FGF12: variants seen among roughly 807,000 people sequenced by gnomAD.
The protein encoded by FGF12 is fibroblast growth factor 12B.
FGF12 carries 14 observed loss-of-function variants against 23.6 expected under a neutral mutation model. The observed-to-expected ratio is 0.59, with a 90% CI of 0.39 to 0.93. The LOEUF (loss-of-function observed/expected upper bound fraction) is 0.93. FGF12 is among the 40% of genes least tolerant of loss of function. The pLI is 0.00. For missense variants in FGF12, 175 were observed against 217.8 expected, an observed-to-expected ratio of 0.80 and a Z score of 1.24; for synonymous variants, 62 against 77.3, an observed-to-expected ratio of 0.80 and a Z score of 1.04.
intron 5 of FGF12, among the ~76,000 whole-genome samples, chr3:192,166,860 C>A (rs1218002528): frequency 6.6e-6 from 1 of 151,450 alleles, no homozygotes; most frequent in Non-Finnish European, 1.5e-5. Context: ...AAGTAATTAT[C>A]ATCATATTCT....
intron 4 of FGF12, among the ~76,000 whole-genome samples, chr3:192,181,217 C>T (rs1716151870): frequency 6.6e-6 from 1 of 152,096 alleles, no homozygotes; most frequent in African/African-American, 2.4e-5. Context: ...AAGCAGGGGC[C>T]TCACTAAGCA....
chr3:192,310,140 G>T (rs141943679), intron 4 of FGF12, among the ~76,000 whole-genome samples: 1 of 152,072 alleles, frequency 6.6e-6, no homozygotes, highest in African/African-American at 2.4e-5. Context: ...AGTATTTGTC[G>T]CAATGCCAAG....
At position 192,572,377 on chromosome 3, in the gene FGF12, C is replaced by G. The variant is rs189140373; in HGVS notation, c.13+154804G>C. 3.9e-3 allele frequency among the ~76,000 whole-genome samples: 596 copies of G among 152,280 alleles called. 6 individuals are homozygous for G. Among genetic ancestry groups the G allele is most frequent in the African/African-American group, 0.014 (571 of 41,550 alleles). ...AAATTCACATGATCATGCACAGCGT[C>G]AAGCTCCATTTACCTTTTGTCCTTT... On this transcript the variant is annotated intron_variant, in intron 2 of 5. Transcript: ENST00000445105.
In FGF12 at chr3:192,619,374, T is replaced by C. The variant is rs370568144; in HGVS notation, c.13+107807A>G. Among the ~76,000 whole-genome samples, 18 of 152,226 alleles carry C rather than the reference T, an allele frequency of 1.2e-4. 1 individual carries two copies. Among genetic ancestry groups the C allele is most frequent in the Admixed American group, 6.5e-4 (10 of 15,286 alleles). ...GGAAGTGAAAAGTGTGGGCAGGAAC[T>C]GGGAAAGGTGATTAGACTAGTGCGT... On this transcript the variant is annotated intron_variant, in intron 2 of 5. Transcript: ENST00000445105.
intron 4 of FGF12, among the ~76,000 whole-genome samples, chr3:192,295,023 T>G (rs993672184): frequency 1.3e-5 from 2 of 152,192 alleles, no homozygotes; most frequent in African/African-American, 4.8e-5. Context: ...TCTATGCAGA[T>G]GTAAACATAT....
intron 2 of FGF12, among the ~76,000 whole-genome samples, chr3:192,612,578 A>G (rs970083793): frequency 6.6e-6 from 1 of 151,974 alleles, no homozygotes; most frequent in African/African-American, 2.4e-5. Context: ...GGGAAATGTC[A>G]CGGGAAAATG....
chr3:192,543,623 C>T (rs1725427369), intron 2 of FGF12, among the ~76,000 whole-genome samples: 3 of 151,942 alleles, frequency 2.0e-5, no homozygotes, highest in Admixed American at 2.0e-4. Context: ...CTGGGTCTCA[C>T]CTGAAGCCAG....
chr3:192,185,167 C>A (rs933064924), intron 4 of FGF12, among the ~76,000 whole-genome samples: 3 of 152,184 alleles, frequency 2.0e-5, no homozygotes, highest in Admixed American at 2.0e-4. Context: ...TGACTCCCGT[C>A]ATAGCTATTT....
chr3:192,178,123 T>C (rs1715960555), intron 4 of FGF12, among the ~76,000 whole-genome samples: 1 of 152,194 alleles, frequency 6.6e-6, no homozygotes, highest in Non-Finnish European at 1.5e-5. Flanking sequence ...AAAGGCCTCT[T>C]TCTTTCTTAG....
chr3:192,528,688 G>A (rs769291922), intron 2 of FGF12, among the ~76,000 whole-genome samples: 17 of 152,302 alleles, frequency 1.1e-4, no homozygotes, highest in South Asian at 2.1e-4. Flanking sequence ...ACATCTAGGC[G>A]TTTCCTTACA....
chr3:192,619,510 G>A (rs183827604), intron 2 of FGF12, among the ~76,000 whole-genome samples: 5 of 152,192 alleles, frequency 3.3e-5, no homozygotes, highest in Admixed American at 3.3e-4. Context: ...TGACATCTTT[G>A]AAACATTTGG....
chr3:192,188,387 A>G (rs1162494952), intron 4 of FGF12, among the ~76,000 whole-genome samples: 1 of 152,180 alleles, frequency 6.6e-6, no homozygotes, highest in Non-Finnish European at 1.5e-5. Context: ...CTGAGGTGGT[A>G]CTTAACCTCC....
chr3:192,515,634 A>C (rs1436404378), intron 2 of FGF12: 1 of 152,460 alleles, frequency 6.6e-6, no homozygotes, highest in Non-Finnish European at 1.5e-5. Context: ...AAAGCTTAGC[A>C]TAGGTGCAGT....
In FGF12 at chr3:192,569,811, C is replaced by T. The variant is rs538086485; in HGVS notation, c.13+157370G>A. Among the ~76,000 whole-genome samples the T allele has an allele frequency of 4.6e-5, 7 of 152,260 alleles. No homozygotes were observed. The South Asian group carries it at 1.5e-3, about 32-fold the overall frequency. On this transcript the variant is annotated intron_variant, in intron 2 of 5. Coordinates refer to ENST00000445105, the MANE Select transcript of FGF12 (RefSeq NM_004113.6). ...CCATACAAATAAGTTTGGACTTTAT[C>T]CTAATGATAACAGGGAATTACTGGA...
chr3:192,425,980 A>T (rs564118468), intron 2 of FGF12, among the ~76,000 whole-genome samples: 1 of 152,346 alleles, frequency 6.6e-6, no homozygotes, highest in South Asian at 2.1e-4. Flanking sequence ...AAGCTCCAAG[A>T]GATCAAGTTC....
rs143338904 is a variant in FGF12 at position 192,214,516 on chromosome 3, A to G, written c.229-43860T>C. 1.7e-3 allele frequency among the ~76,000 whole-genome samples: 260 copies of G among 152,348 alleles called. 2 individuals carry two copies. Among genetic ancestry groups the G allele is most frequent in the Admixed American group, 5.9e-3 (90 of 15,306 alleles). Reference sequence around the variant, plus strand: ...AGGTCACCATCATCAGATGCTCCAAATAGGTCTATATGTGTGTTACAGTAG... The same window carrying G: ...AGGTCACCATCATCAGATGCTCCAAGTAGGTCTATATGTGTGTTACAGTAG... On this transcript the variant is annotated intron_variant, in intron 4 of 5. Transcript: ENST00000445105.
chr3:192,290,130 C>T (rs945689097), intron 4 of FGF12, among the ~76,000 whole-genome samples: 4 of 152,010 alleles, frequency 2.6e-5, no homozygotes, highest in Non-Finnish European at 5.9e-5. Context: ...AATTGCACAG[C>T]AGGGTGATTA....
chr3:192,513,968 A>C (rs1724573024), intron 2 of FGF12, among the ~76,000 whole-genome samples: 1 of 152,226 alleles, frequency 6.6e-6, no homozygotes, highest in African/African-American at 2.4e-5. Context: ...TTCAGCATAA[A>C]AGAATCACAC....
Position 192,586,859 on chromosome 3 carries a change from C to A in FGF12, c.13+140322G>T, listed in dbSNP as rs1433502147. Among the ~76,000 whole-genome samples, 4 of 152,298 alleles carry A rather than the reference C, an allele frequency of 2.6e-5. No homozygotes were observed. The East Asian group carries it at 5.8e-4, about 22-fold the overall frequency. The stretch of plus-strand genomic sequence containing the variant: ...TACTCTTTAAAAAAATCATTCAAGT[C>A]TTGTTAAAATTCTTTCTATTAAACT... On this transcript the variant is annotated intron_variant, in intron 2 of 5. Coordinates refer to ENST00000445105, the MANE Select transcript of FGF12 (RefSeq NM_004113.6).
Sources: gnomAD v4.1 joint callset for allele counts (sites outside exome capture counted in the v4.1 genomes callset) on GRCh38, gnomAD v4.1.1 for gene constraint, MANE v1.5 for transcripts, NCBI Gene and HGNC (gene_info 2026-07-23, HGNC 2026-07-21) for gene names.